The following CELF2 variants were observed in gnomAD, a reference collection of about 807,000 sequenced individuals.
CELF2 encodes the protein CUG triplet repeat RNA-binding protein 2.
A neutral mutation model predicts 62.6 loss-of-function variants in CELF2; 8 were observed. That is an observed-to-expected ratio of 0.13 (90% CI 0.07 to 0.23). The LOEUF (loss-of-function observed/expected upper bound fraction) is 0.23, where lower values mean the gene tolerates loss of function less well. CELF2 is among the 10% of genes least tolerant of loss of function. CELF2 has a pLI of 1.00. For synonymous variants in CELF2, 258 were observed against 250.0 expected (o/e 1.03, Z -0.30); for missense variants, 333 against 671.0 (o/e 0.50, Z 5.56).
intron 1 of CELF2, among the ~76,000 whole-genome samples, chr10:11,069,813 A>G (rs1281085709): frequency 1.3e-5 from 2 of 152,262 alleles, no homozygotes; most frequent in Non-Finnish European, 2.9e-5. Context: ...GAGCCGTCAC[A>G]TGTTAAGATA....
At chr10:10,775,352 C>G in the CELF2 span, among the ~76,000 whole-genome samples, 1 of 151,930 alleles carries the variant, frequency 6.6e-6, no homozygotes, top group African/African-American at 2.4e-5. Flanking sequence ...AGATGGAGGC[C>G]AGGTGCGGTG....
At chr10:10,900,922 T>C (rs1358862074) in intron 1 of CELF2, among the ~76,000 whole-genome samples, 1 of 152,226 alleles carries the variant, frequency 6.6e-6, no homozygotes, top group Non-Finnish European at 1.5e-5. Flanking sequence ...AGTATTTCTG[T>C]ACACTGTACC....
chr10:10,471,548 T>A, the CELF2 span, among the ~76,000 whole-genome samples: 1 of 151,734 alleles, frequency 6.6e-6, no homozygotes, highest in Non-Finnish European at 1.5e-5. Flanking sequence ...CTTAACCCAA[T>A]GTACTCAGAG....
chr10:10,878,009 G>A (rs1334465021), intron 1 of CELF2, among the ~76,000 whole-genome samples: 1 of 152,128 alleles, frequency 6.6e-6, no homozygotes, highest in African/African-American at 2.4e-5. Flanking sequence ...GTGGGGGATG[G>A]CTGATAGAAA....
chr10:10,675,485 C>T, the CELF2 span, among the ~76,000 whole-genome samples: 1 of 151,930 alleles, frequency 6.6e-6, no homozygotes, highest in Non-Finnish European at 1.5e-5. Context: ...GTTTAGTGTT[C>T]TCTGAGCTTC....
rs1314587166 is a variant in CELF2, at chr10:10,934,073, G to A, written c.89+14074G>A. Among the ~76,000 whole-genome samples, 2 of 152,150 alleles carry A rather than the reference G, an allele frequency of 1.3e-5. No homozygotes were observed. ...ACATTCCCACAAACAGTATACAAGG[G>A]TTCCCTTTCTCCAATCAGTGCCAGC... On this transcript the variant is annotated intron_variant, in intron 2 of 13. Transcript: ENST00000636488. The surrounding 1 kb of genome is among the most constrained non-coding windows in gnomAD (Gnocchi z 4.4).
At chr10:11,076,110 C>G (rs1250043113) in intron 1 of CELF2, among the ~76,000 whole-genome samples, 1 of 151,788 alleles carries the variant, frequency 6.6e-6, no homozygotes, top group Non-Finnish European at 1.5e-5. Flanking sequence ...TCCAGGTAGA[C>G]ATGAACAAGC....
intron 1 of CELF2, among the ~76,000 whole-genome samples, chr10:11,078,873 A>G (rs2073005476): frequency 6.6e-6 from 1 of 152,164 alleles, no homozygotes; most frequent in East Asian, 1.9e-4. Context: ...TGCTTTAGAG[A>G]ATCATGCTGC....
chr10:10,910,344 A>G (rs12253020), intron 1 of CELF2, among the ~76,000 whole-genome samples: 11,940 of 152,138 alleles, frequency 0.078, 1,116 homozygotes, highest in African/African-American at 0.22. Context: ...ATATGATTTG[A>G]AAAAAATACA....
At chr10:10,829,509 T>C (rs1183066591) in intron 1 of CELF2, among the ~76,000 whole-genome samples, 1 of 152,182 alleles carries the variant, frequency 6.6e-6, no homozygotes, top group Non-Finnish European at 1.5e-5. Flanking sequence ...AATTTATGAA[T>C]TTGAGATTTT....
intron 1 of CELF2, among the ~76,000 whole-genome samples, chr10:11,106,599 C>T (rs542024227): frequency 3.9e-5 from 6 of 152,318 alleles, no homozygotes; most frequent in African/African-American, 7.2e-5. Context: ...TGTAGAACTA[C>T]GAAATGGGGA....
intron 7 of CELF2, among the ~76,000 whole-genome samples, chr10:11,273,288 G>C (rs1035329599): frequency 6.6e-6 from 1 of 152,032 alleles, no homozygotes; most frequent in Non-Finnish European, 1.5e-5. Flanking sequence ...AGCGGCAGGC[G>C]AGAGAGCGTT....
At position 11,321,960 on chromosome 10, in the gene CELF2, C is replaced by T. The variant is rs1031972027; in HGVS notation, c.1294+574C>T. On this transcript the variant is annotated intron_variant, in intron 11 of 12. Coordinates refer to ENST00000633077, the MANE Select transcript of CELF2 (RefSeq NM_001326342.2). The surrounding 1 kb of genome is among the most constrained non-coding windows in gnomAD (Gnocchi z 6.2). ...CCCCAAATATCCTCTCACTGCTCAC[C>T]CCCTGCCATAATTAAGTTCTATAAA... 2.6e-5 allele frequency among the ~76,000 whole-genome samples: 4 copies of T among 152,288 alleles called. No homozygotes were observed. The highest frequency in any genetic ancestry group is 7.2e-5 in the African/African-American group (3 of 41,552).
rs577517944 is a variant in CELF2 at position 11,315,459 on chromosome 10, C to T, written c.1096+1201C>T. 6.6e-5 allele frequency among the ~76,000 whole-genome samples: 10 copies of T among 152,242 alleles called. No homozygotes were observed. In the South Asian group the frequency reaches 2.1e-3, roughly 32 times the overall value. ...CCAGTAATTTCATACTGTAAAGGCT[C>T]GGAATACCTTGCACTGGACTTGGTA... On this transcript the variant is annotated intron_variant, in intron 10 of 12. Transcript: ENST00000633077. The surrounding 1 kb of genome is among the most constrained non-coding windows in gnomAD (Gnocchi z 5.8).
chr10:10,730,109 G>A, the CELF2 span, among the ~76,000 whole-genome samples: 1 of 151,980 alleles, frequency 6.6e-6, no homozygotes, highest in African/African-American at 2.4e-5. Flanking sequence ...ATTTACTAGG[G>A]GACTTTTCCA....
intron 1 of CELF2, among the ~76,000 whole-genome samples, chr10:11,087,219 C>T (rs545941046): frequency 5.3e-5 from 8 of 152,182 alleles, no homozygotes; most frequent in Non-Finnish European, 1.0e-4. Flanking sequence ...CAGGAATGCT[C>T]TTCATATACC....
chr10:11,303,768 C>T (rs553763606), intron 9 of CELF2, among the ~76,000 whole-genome samples: 20 of 152,314 alleles, frequency 1.3e-4, no homozygotes, highest in African/African-American at 4.8e-4. Context: ...ACTAGATAGA[C>T]ATAAGAGGGG....
At chr10:10,690,493 G>A in the CELF2 span, among the ~76,000 whole-genome samples, 1 of 151,996 alleles carries the variant, frequency 6.6e-6, no homozygotes, top group Non-Finnish European at 1.5e-5. Context: ...CAGAATGAAG[G>A]CACAAATGCC....
chr10:10,466,966 C>T, the CELF2 span, among the ~76,000 whole-genome samples: 9 of 151,924 alleles, frequency 5.9e-5, no homozygotes, highest in East Asian at 1.5e-3. Context: ...GTATGGAATA[C>T]ATTTCCTCCC....
Sources: gnomAD v4.1 joint callset for allele counts (sites outside exome capture counted in the v4.1 genomes callset) on GRCh38, gnomAD v4.1.1 for gene constraint, Gnocchi (gnomAD v3.1) non-coding constraint, MANE v1.5 for transcripts, NCBI Gene and HGNC (gene_info 2026-07-23, HGNC 2026-07-21) for gene names.